The following WWOX variants were observed in gnomAD, a reference collection of about 807,000 sequenced individuals.
The protein encoded by WWOX is WW domain containing oxidoreductase.
Under a neutral mutation model 46.2 loss-of-function variants are expected in WWOX, and 69 were observed. That is an observed-to-expected ratio of 1.49 (90% CI 1.23 to 1.82). WWOX has a LOEUF of 1.82. WWOX is among the 40% of genes most tolerant of loss of function. WWOX has a pLI of 0.00. For missense variants in WWOX, 919 were observed against 542.6 expected, an observed-to-expected ratio of 1.69 and a Z score of -6.89; for synonymous variants, 359 against 202.6, an observed-to-expected ratio of 1.77 and a Z score of -6.56.
intron 8 of WWOX, among the ~76,000 whole-genome samples, chr16:78,581,356 G>A (rs944274158): frequency 3.3e-5 from 5 of 152,144 alleles, no homozygotes; most frequent in South Asian, 2.1e-4. Flanking sequence ...TTCAATTGCT[G>A]TACCCTTTTT....
At chr16:78,946,920 C>A (rs2045960379) in intron 8 of WWOX, among the ~76,000 whole-genome samples, 1 of 152,118 alleles carries the variant, frequency 6.6e-6, no homozygotes, top group African/African-American at 2.4e-5. Flanking sequence ...GATAGTTTCC[C>A]TTCCTGGAAG....
intron 8 of WWOX, among the ~76,000 whole-genome samples, chr16:78,643,819 CT>C (rs1219994486): frequency 5.3e-5 from 7 of 131,064 alleles, no homozygotes; most frequent in Non-Finnish European, 1.2e-4. Context: ...GGAAAGCCCC[CT>C]AACTCCAAAA....
intron 4 of WWOX, among the ~76,000 whole-genome samples, chr16:78,128,693 C>G (rs1019509210): frequency 6.6e-6 from 1 of 152,192 alleles, no homozygotes; most frequent in Non-Finnish European, 1.5e-5. Flanking sequence ...TGAAAATAAT[C>G]AATCTCTTTC....
chr16:79,075,486 A>G (rs573092312), intron 8 of WWOX, among the ~76,000 whole-genome samples: 2 of 152,140 alleles, frequency 1.3e-5, no homozygotes, highest in East Asian at 1.9e-4. Context: ...TGTTGCTTAC[A>G]TGTGTTAAAT....
At chr16:79,145,077 A>G (rs1371218410) in intron 8 of WWOX, among the ~76,000 whole-genome samples, 1 of 152,192 alleles carries the variant, frequency 6.6e-6, no homozygotes, top group African/African-American at 2.4e-5. Context: ...ATTTTGTTGA[A>G]TGGTGCCACT....
At chr16:78,475,219 T>G (rs1597137281) in intron 8 of WWOX, among the ~76,000 whole-genome samples, 1 of 152,216 alleles carries the variant, frequency 6.6e-6, no homozygotes. Flanking sequence ...TGGACATCAT[T>G]GATTTCTCTG....
At chr16:78,864,918 A>C (rs1380912341) in intron 8 of WWOX, among the ~76,000 whole-genome samples, 1 of 151,366 alleles carries the variant, frequency 6.6e-6, no homozygotes, top group Non-Finnish European at 1.5e-5. Flanking sequence ...GTGCACCACC[A>C]CACCTGGCTA....
chr16:78,892,633 C>A (rs1459372686), intron 8 of WWOX, among the ~76,000 whole-genome samples: 1 of 152,226 alleles, frequency 6.6e-6, no homozygotes, highest in Admixed American at 6.5e-5. Flanking sequence ...GTGTGAAACA[C>A]AAGGTCACCT....
At chr16:78,399,790 C>G (rs1279298412) in intron 6 of WWOX, among the ~76,000 whole-genome samples, 1 of 152,200 alleles carries the variant, frequency 6.6e-6, no homozygotes, top group Admixed American at 6.5e-5. Flanking sequence ...GGAATCTACA[C>G]TTACATAATT....
At chr16:78,142,981 T>C (rs998580823) in intron 4 of WWOX, among the ~76,000 whole-genome samples, 1 of 152,192 alleles carries the variant, frequency 6.6e-6, no homozygotes, top group Non-Finnish European at 1.5e-5. Flanking sequence ...TAAGTTGGCT[T>C]TCTCCAGAAT....
intron 8 of WWOX, among the ~76,000 whole-genome samples, chr16:78,441,274 G>T (rs999289544): frequency 6.6e-6 from 1 of 152,060 alleles, no homozygotes; most frequent in Admixed American, 6.5e-5. Flanking sequence ...TGGTGTTTTT[G>T]CCTTCACACT....
chr16:78,266,740 C>T lies in WWOX; in HGVS notation c.516+102451C>T, dbSNP rs1049393703. On this transcript the variant is annotated intron_variant, in intron 5 of 8. Coordinates refer to ENST00000566780, the MANE Select transcript of WWOX (RefSeq NM_016373.4). ...TAGCTAAACTCATCGCTTCCAACATCGCCTCCTATGTAATAAGTGCTTGAT... is the reference window on the plus strand; with the variant it reads ...TAGCTAAACTCATCGCTTCCAACATTGCCTCCTATGTAATAAGTGCTTGAT... Among the ~76,000 whole-genome samples the T allele has an allele frequency of 3.3e-5, 5 of 150,276 alleles. No homozygotes were observed. In the East Asian group the frequency reaches 8.0e-4, roughly 24 times the overall value.
chr16:78,730,297 T>TTGCCTCCTTCCCTCTC (rs1264793522), intron 8 of WWOX, among the ~76,000 whole-genome samples: 1 of 152,074 alleles, frequency 6.6e-6, no homozygotes, highest in African/African-American at 2.4e-5. Context: ...TCCTCCTTCC[T>TTGCCTCCTTCCCTCTC]TGCCTCCTTC....
At chr16:78,689,714 T>C (rs1026484029) in intron 8 of WWOX, among the ~76,000 whole-genome samples, 2 of 152,206 alleles carry the variant, frequency 1.3e-5, no homozygotes, top group Non-Finnish European at 2.9e-5. Flanking sequence ...GTTCCTTGAC[T>C]ATAAATCTCC....
At chr16:78,987,390 C>T (rs567873589) in intron 8 of WWOX, among the ~76,000 whole-genome samples, 1 of 152,182 alleles carries the variant, frequency 6.6e-6, no homozygotes, top group Non-Finnish European at 1.5e-5. Flanking sequence ...CTAGCAAAGG[C>T]AGGATTTTTC....
intron 6 of WWOX, among the ~76,000 whole-genome samples, chr16:78,394,655 AT>A (rs1222097468): frequency 6.6e-6 from 1 of 152,224 alleles, no homozygotes; most frequent in Non-Finnish European, 1.5e-5. Context: ...ATATTTGAGA[AT>A]TTTCAGACTA....
At chr16:78,224,861 A>G (rs561357959) in intron 5 of WWOX, among the ~76,000 whole-genome samples, 2 of 152,320 alleles carry the variant, frequency 1.3e-5, no homozygotes, top group South Asian at 2.1e-4. Flanking sequence ...GAAGCTAAAC[A>G]TTATTTTTTA....
At chr16:79,181,352 C>G (rs1429904264) in intron 8 of WWOX, among the ~76,000 whole-genome samples, 1 of 152,126 alleles carries the variant, frequency 6.6e-6, no homozygotes, top group East Asian at 1.9e-4. Context: ...TATGGGCATT[C>G]CATTTCTTTT....
chr16:78,624,214 T>C (rs915919214), intron 8 of WWOX, among the ~76,000 whole-genome samples: 2 of 151,682 alleles, frequency 1.3e-5, no homozygotes, highest in Non-Finnish European at 2.9e-5. Context: ...ATCTTTTTTT[T>C]TTTTTTTTCG....
Sources: allele counts gnomAD v4.1 joint callset (sites outside exome capture counted in the v4.1 genomes callset), GRCh38; gene constraint gnomAD v4.1.1; transcripts MANE v1.5; gene names NCBI Gene and HGNC (gene_info 2026-07-23, HGNC 2026-07-21).